The following CTNND2 variants were observed in gnomAD, a reference collection of about 807,000 sequenced individuals.
The protein encoded by CTNND2 is catenin delta 2.
Under a neutral mutation model 144.4 loss-of-function variants are expected in CTNND2, and 22 were observed. That is an observed-to-expected ratio of 0.15 (90% CI 0.11 to 0.22). The LOEUF (loss-of-function observed/expected upper bound fraction) is 0.22, where lower values mean the gene tolerates loss of function less well. CTNND2 is among the 10% of genes least tolerant of loss of function. The probability of loss-of-function intolerance (pLI) is 1.00; values close to 1 mark genes in which losing one functional copy is unlikely to be tolerated. For missense variants in CTNND2, 1,353 were observed against 1,618.8 expected (o/e 0.84, Z 2.82); for synonymous variants, 751 against 695.6 (o/e 1.08, Z -1.25).
intron 9 of CTNND2, among the ~76,000 whole-genome samples, chr5:11,311,701 C>A (rs540019261): frequency 1.4e-5 from 2 of 144,246 alleles, no homozygotes; most frequent in Non-Finnish European, 3.0e-5. Flanking sequence ...TCTCCATGCA[C>A]CCTCACCACA....
intron 1 of CTNND2, among the ~76,000 whole-genome samples, chr5:11,818,004 T>C (rs72736653): frequency 0.031 from 2,862 of 93,202 alleles, 120 homozygotes; most frequent in African/African-American, 0.08. Flanking sequence ...TTTTTTTTTT[T>C]CAGTTCTCCT....
In CTNND2 at chr5:11,471,152, T is replaced by A. The variant is rs184721872; in HGVS notation, c.288-59083A>T. 6.7e-3 allele frequency among the ~76,000 whole-genome samples: 1,021 copies of A among 151,486 alleles called. 2 individuals are homozygous for A. The highest frequency in any genetic ancestry group is 0.012 in the Non-Finnish European group (835 of 67,830). ...ACCAACATGCCCAGCTAATTTTTTG[T>A]ATTTTTAGTAGAGACGGGGTTTCAC... On this transcript the variant is annotated intron_variant, in intron 3 of 21. Transcript: ENST00000304623.
chr5:11,096,758 GAGAA>G, intron 15 of CTNND2, among the ~76,000 whole-genome samples: 1 of 151,980 alleles, frequency 6.6e-6, no homozygotes, highest in East Asian at 1.9e-4. Context: ...TAAAGGAAGA[GAGAA>G]AGAAGAGAGA....
chr5:10,984,075 C>A (rs1737634530), intron 20 of CTNND2, among the ~76,000 whole-genome samples: 1 of 152,216 alleles, frequency 6.6e-6, no homozygotes, highest in Non-Finnish European at 1.5e-5. Flanking sequence ...GCACCCCCAT[C>A]TCATTACCCT....
intron 3 of CTNND2, among the ~76,000 whole-genome samples, chr5:11,417,069 A>G (rs1761993979): frequency 6.6e-6 from 1 of 152,204 alleles, no homozygotes; most frequent in South Asian, 2.1e-4. Context: ...AATAGCTAAT[A>G]TTTATATAGG....
At chr5:11,853,705 T>C (rs1330884941) in intron 1 of CTNND2, among the ~76,000 whole-genome samples, 2 of 152,178 alleles carry the variant, frequency 1.3e-5, no homozygotes, top group Non-Finnish European at 2.9e-5. Context: ...ATTGCATCCC[T>C]ACAGTTTCTG....
intron 10 of CTNND2, among the ~76,000 whole-genome samples, chr5:11,234,915 T>C (rs1325104915): frequency 3.3e-5 from 5 of 152,240 alleles, no homozygotes; most frequent in Non-Finnish European, 7.3e-5. Flanking sequence ...AGGCCCAGTC[T>C]GCATGTGAGA....
At chr5:11,185,253 T>G (rs1364188499) in intron 11 of CTNND2, among the ~76,000 whole-genome samples, 1 of 152,164 alleles carries the variant, frequency 6.6e-6, no homozygotes, top group African/African-American at 2.4e-5. Context: ...TGGCCCTCTC[T>G]CCATGCTTTT....
intron 9 of CTNND2, among the ~76,000 whole-genome samples, chr5:11,332,462 CTTCT>C (rs1446635524): frequency 6.6e-6 from 1 of 151,986 alleles, no homozygotes; most frequent in Non-Finnish European, 1.5e-5. Flanking sequence ...TGTCTCCTTC[CTTCT>C]ATTTATGATG....
rs111436504 is a variant in CTNND2 at position 11,891,443 on chromosome 5, T to C, written c.37+12374A>G. On this transcript the variant is annotated intron_variant, in intron 1 of 21. Coordinates refer to ENST00000304623, the MANE Select transcript of CTNND2 (RefSeq NM_001332.4). The stretch of plus-strand genomic sequence containing the variant: ...TTCATCCTGTGGTCTCTGTTATAGA[T>C]TGAATGTTTGCGTCTTCTCCTCACC... Among the ~76,000 whole-genome samples the C allele has an allele frequency of 7.5e-3, 1,147 of 152,284 alleles. 10 individuals carry two copies. The highest frequency in any genetic ancestry group is 0.026 in the African/African-American group (1,091 of 41,554).
At chr5:11,415,478 T>A (rs1053704286) in intron 3 of CTNND2, among the ~76,000 whole-genome samples, 3 of 152,090 alleles carry the variant, frequency 2.0e-5, no homozygotes, top group Non-Finnish European at 2.9e-5. Context: ...TGTTGGTGCG[T>A]GCCTCTATTT....
intron 16 of CTNND2, among the ~76,000 whole-genome samples, chr5:11,065,797 C>T (rs1042786469): frequency 4.3e-4 from 65 of 152,292 alleles, no homozygotes; most frequent in Admixed American, 4.2e-3. Flanking sequence ...TACCCCAAAA[C>T]ATGTTTCTTT....
chr5:11,738,598 G>A (rs1030329930), intron 1 of CTNND2, among the ~76,000 whole-genome samples: 7 of 152,082 alleles, frequency 4.6e-5, no homozygotes, highest in East Asian at 1.9e-4. Context: ...AAACACACAC[G>A]TAAATTCTTC....
chr5:11,166,572 C>A (rs371596054), intron 11 of CTNND2, among the ~76,000 whole-genome samples: 58 of 151,942 alleles, frequency 3.8e-4, no homozygotes, highest in Non-Finnish European at 4.4e-4. Flanking sequence ...TTTAAAAAAA[C>A]CAGAGTTAGG....
chr5:11,487,876 C>CA (rs1554069538), intron 3 of CTNND2, among the ~76,000 whole-genome samples: 1 of 151,792 alleles, frequency 6.6e-6, no homozygotes, highest in Non-Finnish European at 1.5e-5. Context: ...GGATCAGTGG[C>CA]TTTTTTTTGG....
intron 5 of CTNND2, among the ~76,000 whole-genome samples, chr5:11,407,095 T>C (rs1206302663): frequency 1.3e-5 from 2 of 152,212 alleles, no homozygotes; most frequent in African/African-American, 4.8e-5. Flanking sequence ...CCTTTATTTC[T>C]GAGTTTGTAT....
At chr5:11,319,179 A>G (rs1244115467) in intron 9 of CTNND2, among the ~76,000 whole-genome samples, 3 of 152,004 alleles carry the variant, frequency 2.0e-5, no homozygotes, top group Non-Finnish European at 4.4e-5. Context: ...AGAACCTTCT[A>G]TCTACTTAAG....
chr5:11,531,998 T>C (rs1019842205), intron 3 of CTNND2, among the ~76,000 whole-genome samples: 1 of 152,132 alleles, frequency 6.6e-6, no homozygotes, highest in Non-Finnish European at 1.5e-5. Context: ...CTGCTGGGTG[T>C]GCAGCTGCCT....
intron 1 of CTNND2, among the ~76,000 whole-genome samples, chr5:11,739,274 T>C (rs1051684934): frequency 6.6e-6 from 1 of 152,012 alleles, no homozygotes; most frequent in Non-Finnish European, 1.5e-5. Flanking sequence ...ATTACCAGGA[T>C]AATTGGAAGG....
Sources: allele counts gnomAD v4.1 joint callset (sites outside exome capture counted in the v4.1 genomes callset), GRCh38; gene constraint gnomAD v4.1.1; transcripts MANE v1.5; gene names NCBI Gene and HGNC (gene_info 2026-07-23, HGNC 2026-07-21).